The following PHIP variants were observed in gnomAD, a reference collection of about 807,000 sequenced individuals.
PHIP encodes PHIP subunit of CUL4-Ring ligase complex.
Under a neutral mutation model 236.8 loss-of-function variants are expected in PHIP, and 54 were observed. That is an observed-to-expected ratio of 0.23 (90% CI 0.18 to 0.29). The LOEUF is 0.29. Among genes scored for constraint, PHIP ranks in the 10% least tolerant of loss-of-function variants. The pLI, the probability that PHIP is intolerant of heterozygous loss-of-function variation, is 1.00. For synonymous variants in PHIP, 756 were observed against 718.9 expected, an observed-to-expected ratio of 1.05 and a Z score of -0.83; for missense variants, 1,370 against 2,190.8, an observed-to-expected ratio of 0.63 and a Z score of 7.48.
intron 6 of PHIP, among the ~76,000 whole-genome samples, chr6:79,059,393 TAAA>T (rs1357825585): frequency 6.6e-6 from 1 of 151,580 alleles, no homozygotes; most frequent in African/African-American, 2.4e-5. Context: ...GAAAAAATCT[TAAA>T]AACAATTAGA....
intron 15 of PHIP, 141 bp downstream of exon 15, chr6:79,014,941 A>G (rs1299451415): frequency 1.6e-6 from 1 of 621,980 alleles, no homozygotes; most frequent in Non-Finnish European, 2.8e-6. Flanking sequence ...AGTGTGGAAT[A>G]AATCATTCTT....
chr6:78,977,174 C>T (rs1006020683), intron 24 of PHIP, among the ~76,000 whole-genome samples: 1 of 149,990 alleles, frequency 6.7e-6, no homozygotes, highest in Non-Finnish European at 1.5e-5. Flanking sequence ...GGCACATATA[C>T]ACCATGGAAT....
intron 9 of PHIP, among the ~76,000 whole-genome samples, chr6:79,024,855 A>G (rs1771313903): frequency 6.6e-6 from 1 of 152,156 alleles, no homozygotes; most frequent in African/African-American, 2.4e-5. Flanking sequence ...AGAAAGCATC[A>G]AAGGGCAGAG....
intron 24 of PHIP, among the ~76,000 whole-genome samples, chr6:78,975,530 T>G (rs1389219456): frequency 6.6e-6 from 1 of 152,074 alleles, no homozygotes; most frequent in African/African-American, 2.4e-5. Context: ...CCAGGGCAAT[T>G]AGGCAGGAGA....
chr6:78,971,890 C>CT (rs1471559330), intron 24 of PHIP, among the ~76,000 whole-genome samples: 1 of 152,206 alleles, frequency 6.6e-6, no homozygotes, highest in Non-Finnish European at 1.5e-5. Context: ...CCCACGGAGT[C>CT]TCGCTGATTG....
At chr6:79,072,103 ATCTCT>A (rs1425838391) in intron 4 of PHIP, among the ~76,000 whole-genome samples, 17 of 152,252 alleles carry the variant, frequency 1.1e-4, no homozygotes, top group African/African-American at 4.1e-4. Flanking sequence ...AAGTCAAGAC[ATCTCT>A]TCTCTGACAG....
intron 29 of PHIP, among the ~76,000 whole-genome samples, chr6:78,964,230 A>G (rs1766982533): frequency 6.6e-6 from 1 of 152,198 alleles, no homozygotes; most frequent in South Asian, 2.1e-4. Context: ...AGATAAAAAA[A>G]AATATATTAT....
chr6:78,976,026 T>A lies in PHIP; in HGVS notation c.2889+2566A>T, dbSNP rs750734137. Among the ~76,000 whole-genome samples the A allele has an allele frequency of 1.9e-3, 295 of 152,004 alleles. 1 individual carries two copies. Among genetic ancestry groups the A allele is most frequent in the Non-Finnish European group, 2.8e-3 (191 of 67,940 alleles). On this transcript the variant is annotated intron_variant, in intron 24 of 39. Transcript: ENST00000275034. ...CTTCACAGAATTGGAAAAAACTACT[T>A]TAAAGTTCATATGGAACCAAAAAAG...
At chr6:79,039,602 A>G (rs1352972405) in intron 7 of PHIP, among the ~76,000 whole-genome samples, 3 of 152,186 alleles carry the variant, frequency 2.0e-5, no homozygotes, top group Non-Finnish European at 2.9e-5. Flanking sequence ...TGGCTGGTTC[A>G]TAAAACTCTG....
intron 4 of PHIP, among the ~76,000 whole-genome samples, chr6:79,066,247 T>C (rs972946781): frequency 2.6e-5 from 4 of 152,154 alleles, no homozygotes; most frequent in African/African-American, 9.7e-5. Context: ...GTCAGTGTGA[T>C]AAATTATACT....
intron 20 of PHIP, among the ~76,000 whole-genome samples, chr6:78,990,542 C>T (rs1440774692): frequency 6.6e-6 from 1 of 151,836 alleles, no homozygotes; most frequent in Non-Finnish European, 1.5e-5. Context: ...AAAAACATAA[C>T]AAAATGCTAT....
At chr6:79,028,173 A>G (rs906926162) in intron 7 of PHIP, among the ~76,000 whole-genome samples, 1 of 152,180 alleles carries the variant, frequency 6.6e-6, no homozygotes, top group Non-Finnish European at 1.5e-5. Context: ...AGGTGAAGGC[A>G]TAAGGATGAA....
intron 4 of PHIP, among the ~76,000 whole-genome samples, chr6:79,075,464 C>CA (rs1397039995): frequency 1.3e-5 from 2 of 151,976 alleles, no homozygotes; most frequent in Admixed American, 1.3e-4. Flanking sequence ...CACTTCCATT[C>CA]AAAATAGGTG....
intron 29 of PHIP, among the ~76,000 whole-genome samples, chr6:78,964,674 G>A (rs1199482283): frequency 7.2e-5 from 11 of 151,968 alleles, no homozygotes; most frequent in Admixed American, 7.2e-4. Flanking sequence ...TGTATTTTTA[G>A]TTGAGACGGG....
At chr6:79,005,397 T>C (rs1444633498) in intron 15 of PHIP, among the ~76,000 whole-genome samples, 10 of 151,826 alleles carry the variant, frequency 6.6e-5, no homozygotes, top group Admixed American at 6.6e-4. Context: ...TAAGTACAAA[T>C]TCAGGATTCA....
chr6:79,047,558 C>A (rs1772564951), intron 6 of PHIP, among the ~76,000 whole-genome samples: 2 of 152,140 alleles, frequency 1.3e-5, no homozygotes, highest in African/African-American at 4.8e-5. Context: ...GTCTGACAGA[C>A]CTGTGTTCAA....
intron 15 of PHIP, 82 bp from the exon 16 acceptor site, chr6:79,003,940 T>TAA: frequency 1.1e-6 from 1 of 872,116 alleles, no homozygotes; most frequent in Middle Eastern, 2.3e-4. Context: ...AATTTTAAGA[T>TAA]AAAAGCATAC....
Position 78,979,849 on chromosome 6 carries a change from C to CCATA in PHIP, c.2770-1142_2770-1139dup, listed in dbSNP as rs1768391647. Among the ~76,000 whole-genome samples, 10 of 151,986 alleles carry CCATA rather than the reference C, an allele frequency of 6.6e-5. No homozygotes were observed. In the South Asian group the frequency reaches 2.1e-3, roughly 32 times the overall value. On this transcript the variant is annotated intron_variant, in intron 23 of 39. Coordinates refer to ENST00000275034, the MANE Select transcript of PHIP (RefSeq NM_017934.7). Reference sequence around the variant, plus strand: ...TACTTGTTTACTAAAAGAAGCAATGCCATAACATGATATCAGAGAACACTA... The same window carrying CCATA: ...TACTTGTTTACTAAAAGAAGCAATGCCATACATAACATGATATCAGAGAACACTA...
intron 27 of PHIP, 26 bp downstream of exon 27, chr6:78,969,809 C>T (rs757641669): frequency 4.4e-6 from 5 of 1,139,988 alleles, no homozygotes; most frequent in African/African-American, 3.1e-5. Context: ...CATCAAACAT[C>T]GATAGCTTCT....
Sources: gnomAD v4.1 joint callset for allele counts (sites outside exome capture counted in the v4.1 genomes callset) on GRCh38, gnomAD v4.1.1 for gene constraint, MANE v1.5 for transcripts, NCBI Gene and HGNC (gene_info 2026-07-23, HGNC 2026-07-21) for gene names.